CELF3: variants seen among roughly 807,000 people sequenced by gnomAD.
The protein encoded by CELF3 is CAG repeat domain.
A neutral mutation model predicts 59.6 loss-of-function variants in CELF3; 26 were observed. That is an observed-to-expected ratio of 0.44 (90% confidence interval 0.32 to 0.61). The LOEUF (loss-of-function observed/expected upper bound fraction) is 0.61. CELF3 is among the 20% of genes least tolerant of loss of function. CELF3 has a pLI of 0.06. For missense variants in CELF3, 387 were observed against 627.2 expected (o/e 0.62, Z 4.09); for synonymous variants, 245 against 250.7 (o/e 0.98, Z 0.22).
At position 151,702,380 on chromosome 1, in the gene CELF3, C is replaced by T. The variant is rs1351643801; in HGVS notation, c.*1079G>A. The T allele has an allele frequency of 2.6e-5, 4 of 152,168 alleles. No individual in the cohort carries two copies. Among genetic ancestry groups the T allele is most frequent in the African/African-American group, 9.7e-5 (4 of 41,442 alleles). The allele number at this position is 152,168 out of a possible 1,614,324, so 9.4% of individuals were successfully genotyped here. ...TGGGTAGGGAACAATCCCCTACCCTCAACCTTCCAAGACTCTTATTTGATG... is the reference window on the plus strand; with the variant it reads ...TGGGTAGGGAACAATCCCCTACCCTTAACCTTCCAAGACTCTTATTTGATG... On this transcript the variant is annotated 3_prime_UTR_variant, in exon 13 of 13. Coordinates refer to ENST00000290583, the MANE Select transcript of CELF3 (RefSeq NM_007185.7).
intron 6 of CELF3, 26 bp from the exon 7 acceptor site, chr1:151,707,674 G>C: frequency 6.2e-7 from 1 of 1,600,852 alleles, no homozygotes; most frequent in Non-Finnish European, 8.5e-7. Context: ...AGGAGAGTGG[G>C]GCAGGCCCCC....
At chr1:151,714,012 G>A (rs144416504) in intron 2 of CELF3, among the ~76,000 whole-genome samples, 2 of 152,230 alleles carry the variant, frequency 1.3e-5, no homozygotes, top group East Asian at 3.9e-4. Context: ...CTACTTCCAG[G>A]CCTACCTCCA....
intron 12 of CELF3, 108 bp from the exon 13 acceptor site, chr1:151,703,556 G>T: frequency 3.1e-6 from 1 of 320,296 alleles, no homozygotes; most frequent in Non-Finnish European, 6.3e-6. Context: ...TCTAGGATGG[G>T]GCTGCCTGAG....
rs1673479409 is a variant in CELF3, at chr1:151,716,355, G to A, written c.-335C>T. 2 of 311,696 alleles carry A rather than the reference G, an allele frequency of 6.4e-6. No individual in the cohort carries two copies. Among genetic ancestry groups the A allele is most frequent in the Non-Finnish European group, 1.2e-5 (2 of 165,088 alleles). 19.3% of individuals were successfully genotyped at this position (311,696 alleles called of 1,614,324 possible). A position where few individuals can be genotyped will look rare whatever the true frequency, so the allele number is the denominator to read the frequency against. On this transcript the variant is annotated 5_prime_UTR_variant, in exon 1 of 13. Transcript: ENST00000290583. ...GGAGGGTTAGGTGGTAGCCGGGGGT[G>A]CTAGGGCTTAGAGGGCTGGGAACTG...
chr1:151,706,500 G>C, intron 9 of CELF3, 139 bp from the exon 10 acceptor site: 1 of 1,174,924 alleles, frequency 8.5e-7, no homozygotes, highest in South Asian at 1.5e-5. Flanking sequence ...AGCTGCCTCA[G>C]ACCCCTGGGT....
At position 151,709,850 on chromosome 1, in the gene CELF3, C is replaced by G. The variant is rs986033472; in HGVS notation, c.229-59G>C. ...CCTCCTCTGAACACCCAAGAGCCCT[C>G]CCAGGCCAGGCCCTGCAGAGAGACT... is the stretch of plus-strand genomic sequence containing the variant. On this transcript the variant is annotated intron_variant, in intron 2 of 12. Coordinates refer to ENST00000290583, the MANE Select transcript of CELF3 (RefSeq NM_007185.7). This position sits in a 1 kb window ranked among gnomAD's most constrained non-coding sequence, Gnocchi z 4.9. The G allele has an allele frequency of 2.2e-5, 34 of 1,541,416 alleles. No individual in the cohort carries two copies. The highest frequency in any genetic ancestry group is 3.0e-5 in the Non-Finnish European group (33 of 1,113,814).
At chr1:151,704,753 G>C (rs1672366575) in intron 12 of CELF3, among the ~76,000 whole-genome samples, 1 of 152,100 alleles carries the variant, frequency 6.6e-6, no homozygotes, top group African/African-American at 2.4e-5. Flanking sequence ...ATTGTGGAAG[G>C]TCCAGGGAGT....
chr1:151,712,934 C>A (rs1235043177), intron 2 of CELF3, among the ~76,000 whole-genome samples: 1 of 152,024 alleles, frequency 6.6e-6, no homozygotes, highest in African/African-American at 2.4e-5. Context: ...TGCACACACA[C>A]ACTGCATGCA....
rs1571922475 is a variant in CELF3 at position 151,709,497 on chromosome 1, T to G, written c.278-149A>C. Reference sequence around the variant, plus strand: ...AGGGGCTGATGGTTGGGGAATGGGGTATAGTTGCAGAGGGTGCTCATCCCA... The same window carrying G: ...AGGGGCTGATGGTTGGGGAATGGGGGATAGTTGCAGAGGGTGCTCATCCCA... On this transcript the variant is annotated intron_variant, in intron 3 of 12. Coordinates refer to ENST00000290583, the MANE Select transcript of CELF3 (RefSeq NM_007185.7). The surrounding 1 kb of genome is among the most constrained non-coding windows in gnomAD (Gnocchi z 4.9). The G allele has an allele frequency of 8.5e-7, 1 of 1,182,226 alleles. No individual in the cohort carries two copies. Among genetic ancestry groups the G allele is most frequent in the Non-Finnish European group, 1.2e-6 (1 of 820,546 alleles). The allele number at this position is 1,182,226 out of a possible 1,614,324, so 73.2% of individuals were successfully genotyped here.
At position 151,712,913 on chromosome 1, in the gene CELF3, ACACT is replaced by A. The variant is rs899542266; in HGVS notation, c.228+1677_228+1680del. Among the ~76,000 whole-genome samples, 361 of 152,290 alleles carry A rather than the reference ACACT, an allele frequency of 2.4e-3. 2 individuals carry two copies. The highest frequency in any genetic ancestry group is 8.2e-3 in the African/African-American group (340 of 41,564). On this transcript the variant is annotated intron_variant, in intron 2 of 12. Coordinates refer to ENST00000290583, the MANE Select transcript of CELF3 (RefSeq NM_007185.7). Reference sequence around the variant, plus strand: ...CACACACATGCGTGTGCATGCACACACACTCATGCATGCACACACACACTGCATG... The same window carrying A: ...CACACACATGCGTGTGCATGCACACACATGCATGCACACACACACTGCATG...
rs758075401 is a variant in CELF3, at chr1:151,716,349, G to A, written c.-329C>T. 41 of 313,410 alleles carry A rather than the reference G, an allele frequency of 1.3e-4. No individual in the cohort carries two copies. The highest frequency in any genetic ancestry group is 2.1e-4 in the Non-Finnish European group (34 of 165,590). 19.4% of individuals were successfully genotyped at this position (313,410 alleles called of 1,614,324 possible). Reference sequence around the variant, plus strand: ...AGACCTGGAGGGTTAGGTGGTAGCCGGGGGTGCTAGGGCTTAGAGGGCTGG... The same window carrying A: ...AGACCTGGAGGGTTAGGTGGTAGCCAGGGGTGCTAGGGCTTAGAGGGCTGG... On this transcript the variant is annotated 5_prime_UTR_variant, in exon 1 of 13. Coordinates refer to ENST00000290583, the MANE Select transcript of CELF3 (RefSeq NM_007185.7).
In CELF3 at chr1:151,714,309, T is replaced by A. The variant is rs1238882286; in HGVS notation, c.228+285A>T. On this transcript the variant is annotated intron_variant, in intron 2 of 12. Coordinates refer to ENST00000290583, the MANE Select transcript of CELF3 (RefSeq NM_007185.7). Reference sequence around the variant, plus strand: ...TTCCCCACACCTTCCAACCAGCGAGTCCTCCCTCTAGTGTTGCCCCATGGG... The same window carrying A: ...TTCCCCACACCTTCCAACCAGCGAGACCTCCCTCTAGTGTTGCCCCATGGG... 8 of 580,354 alleles carry A rather than the reference T, an allele frequency of 1.4e-5. No individual in the cohort carries two copies. The African/African-American group carries it at 1.5e-4, about 11-fold the overall frequency. The allele number at this position is 580,354 out of a possible 1,614,324, so 36.0% of individuals were successfully genotyped here.
intron 2 of CELF3, among the ~76,000 whole-genome samples, chr1:151,713,912 G>A (rs966461468): frequency 1.3e-5 from 2 of 152,150 alleles, no homozygotes; most frequent in Admixed American, 6.5e-5. Context: ...TGCAGGAGAG[G>A]GGCCACCTCT....
At chr1:151,708,874 G>A (rs1672778796) in intron 5 of CELF3, 124 bp downstream of exon 5, 1 of 874,120 alleles carries the variant, frequency 1.1e-6, no homozygotes, top group Admixed American at 2.6e-5. Flanking sequence ...TGGTTCTTCT[G>A]CCAGGACATT....
In CELF3 at chr1:151,714,521, A is replaced by G. The variant is rs187852290; in HGVS notation, c.228+73T>C. The G allele has an allele frequency of 2.5e-5, 26 of 1,056,354 alleles. 1 individual carries two copies. The Middle Eastern group carries it at 2.2e-3, about 89-fold the overall frequency. The allele number at this position is 1,056,354 out of a possible 1,614,324, so 65.4% of individuals were successfully genotyped here. A position where few individuals can be genotyped will look rare whatever the true frequency, so the allele number is the denominator to read the frequency against. On this transcript the variant is annotated intron_variant, in intron 2 of 12. Transcript: ENST00000290583. ...GGAGGTGGAAATTATGCTCAGTGTC[A>G]GGAGGGTGGTGAGCCTCCTGCCACT...
chr1:151,703,451 G>A lies in CELF3; in HGVS notation c.*11-3C>T. 1 of 345,552 alleles carries A rather than the reference G, an allele frequency of 2.9e-6. No individual in the cohort carries two copies. The highest frequency in any genetic ancestry group is 5.8e-6 in the Non-Finnish European group (1 of 173,384). The allele number at this position is 345,552 out of a possible 1,614,324, so 21.4% of individuals were successfully genotyped here. A position where few individuals can be genotyped will look rare whatever the true frequency, so the allele number is the denominator to read the frequency against. ...CCCTTCCTCTGGGATCTCCAGACCT[G>A]TGAAGGAAGAAACATGGGTGAAGCA... On this transcript the variant is annotated splice_polypyrimidine_tract_variant and splice_region_variant and intron_variant, in intron 12 of 12. Transcript: ENST00000290583.
chr1:151,715,846 G>A lies in CELF3; in HGVS notation c.145+30C>T, dbSNP rs780023510. The A allele has an allele frequency of 5.5e-5, 79 of 1,423,708 alleles. No homozygotes were observed. In the East Asian group the frequency reaches 1.8e-3, roughly 33 times the overall value. The allele number at this position is 1,423,708 out of a possible 1,614,324, so 88.2% of individuals were successfully genotyped here. A position where few individuals can be genotyped will look rare whatever the true frequency, so the allele number is the denominator to read the frequency against. Reference sequence around the variant, plus strand: ...TTCCCCCAGCCTCCCAGCCCACCCCGAAGCCTCTTCAGCCTGCCCGACCCC... The same window carrying A: ...TTCCCCCAGCCTCCCAGCCCACCCCAAAGCCTCTTCAGCCTGCCCGACCCC... On this transcript the variant is annotated intron_variant, in intron 1 of 12. Coordinates refer to ENST00000290583, the MANE Select transcript of CELF3 (RefSeq NM_007185.7).
chr1:151,715,823 C>A, intron 1 of CELF3, 53 bp downstream of exon 1: 1 of 1,593,792 alleles, frequency 6.3e-7, no homozygotes, highest in Non-Finnish European at 8.6e-7. Flanking sequence ...GGCTTAACTT[C>A]CCCCAGCCTC....
intron 5 of CELF3, 80 bp downstream of exon 5, chr1:151,708,918 T>C (rs1571920103): frequency 7.7e-7 from 1 of 1,290,378 alleles, no homozygotes; most frequent in Non-Finnish European, 1.1e-6. Context: ...CCATCCTGAG[T>C]GGACTGCTTC....
Sources: gnomAD v4.1 joint callset for allele counts (sites outside exome capture counted in the v4.1 genomes callset) on GRCh38, gnomAD v4.1.1 for gene constraint, Gnocchi (gnomAD v3.1) non-coding constraint, MANE v1.5 for transcripts, NCBI Gene and HGNC (gene_info 2026-07-23, HGNC 2026-07-21) for gene names.